MCCC2: variants seen among roughly 807,000 people sequenced by gnomAD.
MCCC2 encodes the protein methylcrotonyl-CoA carboxylase subunit 2, also known as methylcrotonoyl-CoA carboxylase beta chain, mitochondrial.
In MCCC2, 52 loss-of-function variants were observed where a neutral mutation model predicts 77.2. The ratio of observed to expected loss-of-function variants is 0.67; its 90% CI spans 0.54 to 0.85. The LOEUF is 0.85. MCCC2 is among the 40% of genes least tolerant of loss of function. The pLI is 0.00. For synonymous variants in MCCC2, 253 were observed against 248.4 expected, an observed-to-expected ratio of 1.02 and a Z score of -0.18; for missense variants, 682 against 703.2, an observed-to-expected ratio of 0.97 and a Z score of 0.34.
chr5:71,610,170 G>A lies in MCCC2; in HGVS notation c.624+5702G>A, dbSNP rs571520082. On this transcript the variant is annotated intron_variant, in intron 6 of 16. Transcript: ENST00000340941. ...TGGCGAGCGCCCCTCCCCCAGCCTC[G>A]CTGCCGCCTTGCAGTTTGATCTCAG... Among the ~76,000 whole-genome samples, 383 of 152,302 alleles carry A rather than the reference G, an allele frequency of 2.5e-3. 2 individuals carry two copies. The highest frequency in any genetic ancestry group is 8.2e-3 in the African/African-American group (341 of 41,572).
chr5:71,605,880 G>T (rs1239081941), intron 6 of MCCC2, among the ~76,000 whole-genome samples: 1 of 152,186 alleles, frequency 6.6e-6, no homozygotes, highest in African/African-American at 2.4e-5. Flanking sequence ...TCAAAGATAA[G>T]ATGTAGGTAT....
chr5:71,611,365 G>C (rs574553716), intron 6 of MCCC2, among the ~76,000 whole-genome samples: 2 of 152,276 alleles, frequency 1.3e-5, no homozygotes, highest in East Asian at 3.9e-4. Context: ...TTGCACCACT[G>C]CACTCCAGCC....
At chr5:71,592,282 G>C (rs1324396278) in intron 1 of MCCC2, among the ~76,000 whole-genome samples, 1 of 152,204 alleles carries the variant, frequency 6.6e-6, no homozygotes, top group Non-Finnish European at 1.5e-5. Flanking sequence ...TTAGGAGGCT[G>C]AGGCAGGAGA....
Position 71,635,726 on chromosome 5 carries a change from G to A in MCCC2, c.999+480G>A, listed in dbSNP as rs1746892048. On this transcript the variant is annotated intron_variant, in intron 10 of 16. Transcript: ENST00000340941. The stretch of plus-strand genomic sequence containing the variant: ...TTACACATTGTCGACATAGTGTTCT[G>A]TAATTTAGATGGACAACTTTTAGGG... 4 of 242,960 alleles carry A rather than the reference G, an allele frequency of 1.6e-5. No individual in the cohort carries two copies. The South Asian group carries it at 2.2e-4, about 13-fold the overall frequency. 15.1% of individuals were successfully genotyped at this position (242,960 alleles called of 1,614,324 possible).
At chr5:71,634,380 A>G (rs1746844676) in intron 8 of MCCC2, among the ~76,000 whole-genome samples, 1 of 152,220 alleles carries the variant, frequency 6.6e-6, no homozygotes, top group East Asian at 1.9e-4. Context: ...AATGTATTCA[A>G]GCCTTTTCAT....
At chr5:71,628,566 TAAGG>T (rs1746610532) in intron 7 of MCCC2, among the ~76,000 whole-genome samples, 1 of 152,348 alleles carries the variant, frequency 6.6e-6, no homozygotes, top group Non-Finnish European at 1.5e-5. Context: ...GGGTGTGGGA[TAAGG>T]AAGGGCTCCA....
intron 6 of MCCC2, among the ~76,000 whole-genome samples, chr5:71,625,515 A>G (rs1030613202): frequency 6.6e-6 from 1 of 152,202 alleles, no homozygotes; most frequent in African/African-American, 2.4e-5. Flanking sequence ...ATTGATGGAC[A>G]TGTTGGTTAT....
intron 15 of MCCC2, among the ~76,000 whole-genome samples, 158 bp from the exon 16 acceptor site, chr5:71,652,511 G>A (rs970130749): frequency 5.9e-5 from 9 of 152,170 alleles, no homozygotes; most frequent in Non-Finnish European, 1.2e-4. Context: ...ATGTCTTAGC[G>A]TGTATGTTAA....
chr5:71,609,586 T>C (rs1745831273), intron 6 of MCCC2, among the ~76,000 whole-genome samples: 2 of 150,378 alleles, frequency 1.3e-5, no homozygotes, highest in Non-Finnish European at 1.5e-5. Flanking sequence ...TCATTCCCCA[T>C]CCAGCTTTGT....
At chr5:71,639,671 A>T (rs962920366) in intron 10 of MCCC2, among the ~76,000 whole-genome samples, 4 of 152,226 alleles carry the variant, frequency 2.6e-5, no homozygotes, top group Admixed American at 2.0e-4. Flanking sequence ...TGTAATGCAA[A>T]TACAACATAG....
At chr5:71,611,083 T>C (rs1442502292) in intron 6 of MCCC2, among the ~76,000 whole-genome samples, 1 of 152,036 alleles carries the variant, frequency 6.6e-6, no homozygotes, top group African/African-American at 2.4e-5. Context: ...GAAACTCTGA[T>C]ATATGTATGA....
chr5:71,619,992 A>G (rs1328991674), intron 6 of MCCC2, among the ~76,000 whole-genome samples: 4 of 148,074 alleles, frequency 2.7e-5, no homozygotes, highest in Non-Finnish European at 6.0e-5. Flanking sequence ...CTCTGTCTCA[A>G]AAAAAAAAAA....
chr5:71,590,746 G>T (rs1333947554), intron 1 of MCCC2, among the ~76,000 whole-genome samples: 2 of 152,074 alleles, frequency 1.3e-5, no homozygotes, highest in Non-Finnish European at 2.9e-5. Context: ...GAACCCGGGA[G>T]GCGGAGGTTG....
chr5:71,602,499 C>T lies in MCCC2; in HGVS notation c.384-7C>T. On this transcript the variant is annotated splice_region_variant and splice_polypyrimidine_tract_variant and intron_variant, in intron 4 of 16. Coordinates refer to ENST00000340941, the MANE Select transcript of MCCC2 (RefSeq NM_022132.5). ...ATTCTCTCTCCAATGAAATTTCTGC[C>T]TTTCAGAGTAGAATGCATGATTATT... is the stretch of plus-strand genomic sequence containing the variant. 5 of 1,614,046 alleles carry T rather than the reference C, an allele frequency of 3.1e-6. No individual in the cohort carries two copies. The highest frequency in any genetic ancestry group is 4.2e-6 in the Non-Finnish European group (5 of 1,179,996).
chr5:71,643,936 T>C lies in MCCC2; in HGVS notation c.1149+41T>C, dbSNP rs781687984. On this transcript the variant is annotated intron_variant, in intron 12 of 16. Transcript: ENST00000340941. ...AATATTTCAAGATTTTCTGTTTTAA[T>C]TTAACATAACGTTGAAGGTCAAATA... The C allele has an allele frequency of 3.1e-6, 5 of 1,612,178 alleles. No individual in the cohort carries two copies. The African/African-American group carries it at 5.3e-5, about 17-fold the overall frequency.
chr5:71,644,033 A>ATGTGTGTGTGTGTGTGTG (rs61210707), intron 12 of MCCC2, 138 bp downstream of exon 12: 2 of 558,416 alleles, frequency 3.6e-6, no homozygotes, highest in East Asian at 7.6e-5. Context: ...GTGCGCGGGC[A>ATGTGTGTGTGTGTGTGTG]TGTGTGTGTG....
At chr5:71,589,789 C>T (rs1242460670) in intron 1 of MCCC2, among the ~76,000 whole-genome samples, 1 of 152,124 alleles carries the variant, frequency 6.6e-6, no homozygotes, top group Non-Finnish European at 1.5e-5. Flanking sequence ...GCAGTAGGTA[C>T]AATTGTTATT....
At position 71,593,204 on chromosome 5, in the gene MCCC2, C is replaced by T. The variant is rs535008980; in HGVS notation, c.196+212C>T. Among the ~76,000 whole-genome samples the T allele has an allele frequency of 4.6e-5, 7 of 152,036 alleles. No individual in the cohort carries two copies. The East Asian group carries it at 1.2e-3, about 25-fold the overall frequency. On this transcript the variant is annotated intron_variant, in intron 2 of 16. Transcript: ENST00000340941. ...CTGGGTTCAAGCCATTCTCCTGCCTCAGCCTCCCAAGTTGTTGGGATTACA... is the reference window on the plus strand; with the variant it reads ...CTGGGTTCAAGCCATTCTCCTGCCTTAGCCTCCCAAGTTGTTGGGATTACA...
intron 1 of MCCC2, among the ~76,000 whole-genome samples, chr5:71,590,245 G>A (rs1330755048): frequency 1.3e-5 from 2 of 152,152 alleles, no homozygotes; most frequent in Non-Finnish European, 2.9e-5. Flanking sequence ...CTCTTGGTTA[G>A]TGAGTCTCAT....
Sources: allele counts gnomAD v4.1 joint callset (sites outside exome capture counted in the v4.1 genomes callset), GRCh38; gene constraint gnomAD v4.1.1; transcripts MANE v1.5; gene names NCBI Gene and HGNC (gene_info 2026-07-23, HGNC 2026-07-21).